Variants in SIPA1L1 observed in about 807,000 individuals in gnomAD.
SIPA1L1 encodes the protein signal induced proliferation associated 1 like 1, also known as signal-induced proliferation-associated 1-like protein 1.
Under a neutral mutation model 162.7 loss-of-function variants are expected in SIPA1L1, and 26 were observed. That is an observed-to-expected ratio of 0.16 (90% CI 0.12 to 0.22). SIPA1L1 has a LOEUF of 0.22. Among genes scored for constraint, SIPA1L1 ranks in the 10% least tolerant of loss-of-function variants. The pLI is 1.00. For synonymous variants in SIPA1L1, 829 were observed against 837.4 expected (o/e 0.99, Z 0.17); for missense variants, 1,874 against 2,241.0 (o/e 0.84, Z 3.31).
At chr14:71,525,087 C>T (rs1300452652) in intron 3 of SIPA1L1, among the ~76,000 whole-genome samples, 2 of 152,198 alleles carry the variant, frequency 1.3e-5, no homozygotes, top group African/African-American at 4.8e-5. Flanking sequence ...GATCCTCTTA[C>T]CTCAGCCTCC....
At chr14:71,501,295 G>A (rs1207495211) in intron 2 of SIPA1L1, among the ~76,000 whole-genome samples, 1 of 152,030 alleles carries the variant, frequency 6.6e-6, no homozygotes, top group Admixed American at 6.6e-5. Context: ...ACTCCAGCCT[G>A]GGTGACAGAG....
chr14:71,553,609 A>C (rs1348717496), intron 4 of SIPA1L1, among the ~76,000 whole-genome samples: 1 of 152,176 alleles, frequency 6.6e-6, no homozygotes, highest in Non-Finnish European at 1.5e-5. Flanking sequence ...ATTTGAACAG[A>C]CCTGTGAATT....
chr14:71,684,174 A>G (rs933875855), intron 12 of SIPA1L1, among the ~76,000 whole-genome samples: 2 of 152,222 alleles, frequency 1.3e-5, no homozygotes, highest in Non-Finnish European at 2.9e-5. Flanking sequence ...AGCAGACGCC[A>G]TTGCTCCTTC....
chr14:71,383,147 A>C (rs1295182381), intron 2 of SIPA1L1, among the ~76,000 whole-genome samples: 3 of 152,234 alleles, frequency 2.0e-5, no homozygotes, highest in African/African-American at 7.2e-5. Context: ...TTGAATGTTT[A>C]ACTTGTGCTG....
intron 17 of SIPA1L1, among the ~76,000 whole-genome samples, chr14:71,716,456 C>A (rs1386590985): frequency 3.3e-5 from 5 of 152,226 alleles, no homozygotes; most frequent in Non-Finnish European, 7.3e-5. Flanking sequence ...CCAAGCTTGT[C>A]TAAAACCCCC....
intron 2 of SIPA1L1, among the ~76,000 whole-genome samples, chr14:71,465,015 A>G (rs1266620033): frequency 6.6e-6 from 1 of 152,146 alleles, no homozygotes. Context: ...CTCAGGGTTT[A>G]TCTCCTCAGA....
intron 2 of SIPA1L1, among the ~76,000 whole-genome samples, chr14:71,423,624 A>G (rs1377158143): frequency 6.6e-6 from 1 of 152,166 alleles, no homozygotes; most frequent in Non-Finnish European, 1.5e-5. Context: ...TTCACCATGT[A>G]TGCAAAAGCT....
intron 2 of SIPA1L1, among the ~76,000 whole-genome samples, chr14:71,422,699 A>G (rs2043277534): frequency 6.6e-6 from 1 of 152,244 alleles, no homozygotes; most frequent in Non-Finnish European, 1.5e-5. Flanking sequence ...TTGTATGTGT[A>G]TACCACATTT....
intron 2 of SIPA1L1, among the ~76,000 whole-genome samples, chr14:71,509,701 G>A (rs1005496662): frequency 2.0e-5 from 3 of 147,900 alleles, no homozygotes; most frequent in East Asian, 2.0e-4. Context: ...CTGAGATCAC[G>A]CCATTGCACT....
intron 22 of SIPA1L1, 27 bp from the exon 23 acceptor site, chr14:71,738,214 A>G: frequency 4.2e-6 from 6 of 1,414,256 alleles, no homozygotes; most frequent in East Asian, 4.6e-5. Context: ...GCCCCTGCCA[A>G]CATGGTCTTT....
chr14:71,544,212 C>T (rs534060828), intron 4 of SIPA1L1, among the ~76,000 whole-genome samples: 191 of 145,480 alleles, frequency 1.3e-3, no homozygotes, highest in Non-Finnish European at 2.2e-3. Context: ...TATGCACATG[C>T]ATGTGTATAT....
At chr14:71,411,666 G>T (rs1170803963) in intron 2 of SIPA1L1, among the ~76,000 whole-genome samples, 2 of 152,222 alleles carry the variant, frequency 1.3e-5, no homozygotes, top group African/African-American at 4.8e-5. Flanking sequence ...CCCGACTGGA[G>T]TCCTGCCTCT....
chr14:71,589,615 T>C (rs970463280), intron 5 of SIPA1L1, among the ~76,000 whole-genome samples: 1 of 152,204 alleles, frequency 6.6e-6, no homozygotes, highest in Non-Finnish European at 1.5e-5. Context: ...AAAAAGCCCC[T>C]TTGACTTAGC....
chr14:71,734,775 A>T (rs2152854704), intron 21 of SIPA1L1, among the ~76,000 whole-genome samples: 1 of 152,202 alleles, frequency 6.6e-6, no homozygotes, highest in African/African-American at 2.4e-5. Context: ...CTAATGGGAG[A>T]TTATTTTAAA....
intron 2 of SIPA1L1, among the ~76,000 whole-genome samples, chr14:71,427,992 A>T (rs1595409820): frequency 6.6e-6 from 1 of 151,052 alleles, no homozygotes; most frequent in South Asian, 2.1e-4. Flanking sequence ...TGGACACTTT[A>T]TTTTTTTATT....
intron 2 of SIPA1L1, chr14:71,330,557 A>G: frequency 7.6e-7 from 1 of 1,315,032 alleles, no homozygotes; most frequent in Admixed American, 1.7e-5. Context: ...CCTAGCTGGG[A>G]GGCCTTTCCT....
At chr14:71,698,437 T>A (rs2081823303) in intron 13 of SIPA1L1, among the ~76,000 whole-genome samples, 1 of 152,220 alleles carries the variant, frequency 6.6e-6, no homozygotes, top group South Asian at 2.1e-4. Flanking sequence ...TTAGACATTT[T>A]TTCATGGAGG....
chr14:71,489,401 G>A (rs998956296), intron 2 of SIPA1L1, among the ~76,000 whole-genome samples: 2 of 152,184 alleles, frequency 1.3e-5, no homozygotes, highest in Non-Finnish European at 1.5e-5. Flanking sequence ...GAAGATGAGA[G>A]ATTATTCGTT....
intron 19 of SIPA1L1, among the ~76,000 whole-genome samples, chr14:71,726,034 G>A (rs867776031): frequency 9.2e-5 from 14 of 152,286 alleles, no homozygotes; most frequent in Middle Eastern, 3.4e-3. Context: ...GCTAGCGTGT[G>A]TGTGCGTGTG....
Sources: allele counts gnomAD v4.1 joint callset (sites outside exome capture counted in the v4.1 genomes callset), GRCh38; gene constraint gnomAD v4.1.1; transcripts MANE v1.5; gene names NCBI Gene and HGNC (gene_info 2026-07-23, HGNC 2026-07-21).